Variants in ZNF135 observed in about 807,000 individuals in gnomAD.
ZNF135 encodes the protein zinc finger protein 135.
ZNF135 carries 11 observed loss-of-function variants against 12.3 expected under a neutral mutation model. The ratio of observed to expected loss-of-function variants is 0.89; its 90% CI spans 0.56 to 1.48. ZNF135 has a LOEUF of 1.48. Ranked by LOEUF, ZNF135 falls within the 40% of genes most tolerant of loss-of-function variation. The probability of loss-of-function intolerance (pLI) is 0.00; values close to 1 mark genes in which losing one functional copy is unlikely to be tolerated. For missense variants in ZNF135, 722 were observed against 815.7 expected, an observed-to-expected ratio of 0.89 and a Z score of 1.40; for synonymous variants, 316 against 312.0, an observed-to-expected ratio of 1.01 and a Z score of -0.14.
At position 58,065,478 on chromosome 19, in the gene ZNF135, G is replaced by A. The variant is rs2074050269; in HGVS notation, c.257-1263G>A. ...CCCAAAGTGTTGAGATTACAGGCAT[G>A]AGGCCCTGTGCCTGGCTAAGAATCC... On this transcript the variant is annotated intron_variant, in intron 4 of 4. Transcript: ENST00000313434. The surrounding 1 kb of genome is among the most constrained non-coding windows in gnomAD (Gnocchi z 4.0). Among the ~76,000 whole-genome samples the A allele has an allele frequency of 6.6e-5, 10 of 152,202 alleles. No individual in the cohort carries two copies. The South Asian group carries it at 2.1e-3, about 32-fold the overall frequency.
In ZNF135 at chr19:58,059,906, C is replaced by T; in HGVS notation, c.-34-63C>T. 1.3e-6 allele frequency: 2 copies of T among 1,588,804 alleles called. No homozygotes were observed. The highest frequency in any genetic ancestry group is 1.1e-5 in the South Asian group (1 of 89,672). The stretch of plus-strand genomic sequence containing the variant: ...GCTCCCCAGGCTCTGGCGCAGTTCC[C>T]CGGCTTGGGGACCTGAGCACCGCCT... On this transcript the variant is annotated intron_variant, in intron 1 of 4. Transcript: ENST00000313434. This position sits in a 1 kb window ranked among gnomAD's most constrained non-coding sequence, Gnocchi z 6.5.
Position 58,068,286 on chromosome 19 carries a change from C to T in ZNF135, c.1802C>T (p.Thr601Ile), listed in dbSNP as rs774350954. 6.2e-7 allele frequency: 1 copy of T among 1,614,162 alleles called. No individual in the cohort carries two copies. The highest frequency in any genetic ancestry group is 8.5e-7 in the Non-Finnish European group (1 of 1,180,028). ...CTCAGCCAGCACGAAAGGACGCACA[C>T]TGGGGAAAAGCCCTATGAGTGTCAC... ...SSLSQHERTH[T>I]GEKPYECHDC... is the part of the protein sequence containing the mutation. Residue 601 changes from threonine to isoleucine, a missense_variant, in exon 5 of 5, where the codon ACT (threonine) becomes ATT (isoleucine). By Grantham distance (89) the Thr-to-Ile change is moderately conservative. Transcript: ENST00000313434.
Position 58,063,638 on chromosome 19 carries a change from T to G in ZNF135, c.256+97T>G. 2 of 1,546,116 alleles carry G rather than the reference T, an allele frequency of 1.3e-6. No homozygotes were observed. The highest frequency in any genetic ancestry group is 1.7e-6 in the Non-Finnish European group (2 of 1,144,376). On this transcript the variant is annotated intron_variant, in intron 4 of 4. Coordinates refer to ENST00000313434, the MANE Select transcript of ZNF135 (RefSeq NM_001289401.2). This position sits in a 1 kb window ranked among gnomAD's most constrained non-coding sequence, Gnocchi z 4.4. The stretch of plus-strand genomic sequence containing the variant: ...GCTCTCTAATTCTTCAGAGCAAATT[T>G]ACTACTCAGTCTTAGTGAAGATTTA...
intron 3 of ZNF135, 72 bp downstream of exon 3, chr19:58,061,778 T>G (rs1259761353): frequency 1.3e-6 from 2 of 1,518,084 alleles, no homozygotes; most frequent in Non-Finnish European, 1.8e-6. Flanking sequence ...GGTTAAATAT[T>G]TATAGGACTG....
intron 2 of ZNF135, among the ~76,000 whole-genome samples, chr19:58,061,215 T>C (rs2073974598): frequency 6.6e-6 from 1 of 152,070 alleles, no homozygotes. Context: ...TGAAGTGCAG[T>C]GATGCAATCA....
chr19:58,062,417 G>A (rs1158447419), intron 3 of ZNF135, among the ~76,000 whole-genome samples: 1 of 151,928 alleles, frequency 6.6e-6, no homozygotes, highest in Non-Finnish European at 1.5e-5. Flanking sequence ...GAGTCTCGCT[G>A]TGTCACCCGG....
In ZNF135 at chr19:58,063,972, C is replaced by T. The variant is rs927859375; in HGVS notation, c.256+431C>T. Among the ~76,000 whole-genome samples, 19 of 152,182 alleles carry T rather than the reference C, an allele frequency of 1.2e-4. 1 individual carries two copies. The highest frequency in any genetic ancestry group is 4.6e-4 in the African/African-American group (19 of 41,438). The stretch of plus-strand genomic sequence containing the variant: ...GTAGTATTTCAGGCAGAGGAAACAG[C>T]AGGTGCAAAGGCCTGAAGTCATGCA... On this transcript the variant is annotated intron_variant, in intron 4 of 4. Transcript: ENST00000313434. The surrounding 1 kb of genome is among the most constrained non-coding windows in gnomAD (Gnocchi z 4.4).
rs557051934 is a variant in ZNF135, at chr19:58,061,614, T to A, written c.68T>A (p.Phe23Tyr). Residue 23 changes from phenylalanine (F) to tyrosine (Y), a missense_variant, in exon 3 of 5, where the codon TTC (phenylalanine) becomes TAC (tyrosine). Coordinates refer to ENST00000313434, the MANE Select transcript of ZNF135 (RefSeq NM_001289401.2). ...ACGTTTGAGGACGTGGTAGTGGGCT[T>A]CAGCCAGGAGGAGTGGGGGCAGCTG... Reference protein sequence around the residue: ...QVTFEDVVVGFSQEEWGQLKP... With the variant: ...QVTFEDVVVGYSQEEWGQLKP... The A allele has an allele frequency of 7.3e-5, 118 of 1,613,600 alleles. 1 individual carries two copies. The highest frequency in any genetic ancestry group is 6.7e-4 in the South Asian group (61 of 90,966).
Position 58,066,972 on chromosome 19 carries a change from A to T in ZNF135, c.488A>T (p.Asn163Ile). ...CCTGTTCTGGAGCAGTGGCAGAGGA[A>T]TGGGTTTGGGGAAAACATAAGTCTG... ...KTPVLEQWQR[N>I]GFGENISLNP... The change falls in exon 5 of 5, where the codon AAT (asparagine) becomes ATT (isoleucine). Residue 163 changes from asparagine to isoleucine, a missense_variant. Physicochemically the swap from Asn to Ile is moderately radical, Grantham distance 149 (BLOSUM62 -3). Transcript: ENST00000313434. The T allele has an allele frequency of 6.2e-7, 1 of 1,614,184 alleles. No individual in the cohort carries two copies.
Position 58,061,708 on chromosome 19 carries a change from T to G in ZNF135, c.160+2T>G. The G allele has an allele frequency of 6.2e-7, 1 of 1,611,666 alleles. No homozygotes were observed. The highest frequency in any genetic ancestry group is 1.1e-5 in the South Asian group (1 of 90,640). On this transcript the variant is annotated splice_donor_variant, in intron 3 of 4. Transcript: ENST00000313434. LOFTEE classifies it high-confidence loss of function. ...CCTTCAGGCTTCTGGTCTCTGTGGG[T>G]AAGGCCACACCCATGTCCTATCTGT...
At chr19:58,066,403 G>A (rs1395789728) in intron 4 of ZNF135, among the ~76,000 whole-genome samples, 1 of 150,672 alleles carries the variant, frequency 6.6e-6, no homozygotes, top group Non-Finnish European at 1.5e-5. Flanking sequence ...GTGTCTGAGT[G>A]CTCTCTCCTG....
In ZNF135 at chr19:58,059,305, A is replaced by G. The variant is rs770819997; in HGVS notation, c.-40A>G. The G allele has an allele frequency of 3.1e-6, 4 of 1,278,596 alleles. No homozygotes were observed. The highest frequency in any genetic ancestry group is 4.6e-5 in the East Asian group (1 of 21,828). 79.2% of individuals were successfully genotyped at this position (1,278,596 alleles called of 1,614,324 possible). On this transcript the variant is annotated 5_prime_UTR_variant, in exon 1 of 5. Transcript: ENST00000313434. The surrounding 1 kb of genome is among the most constrained non-coding windows in gnomAD (Gnocchi z 6.5). Reference sequence around the variant, plus strand: ...GTGCCGCGGCCTTTGTCTCGCAGTCAGGAGGGTGAGCTAGGCCGGCGAGGA... The same window carrying G: ...GTGCCGCGGCCTTTGTCTCGCAGTCGGGAGGGTGAGCTAGGCCGGCGAGGA...
intron 4 of ZNF135, among the ~76,000 whole-genome samples, chr19:58,064,967 T>A (rs2074041988): frequency 6.6e-6 from 1 of 152,092 alleles, no homozygotes; most frequent in Admixed American, 6.6e-5. Context: ...TTTTGGGGAG[T>A]CAAAGGCTAT....
rs558418096 is a variant in ZNF135 at position 58,060,986 on chromosome 19, G to T, written c.34-594G>T. Among the ~76,000 whole-genome samples the T allele has an allele frequency of 6.6e-6, 1 of 151,970 alleles. No homozygotes were observed. Among genetic ancestry groups the T allele is most frequent in the Non-Finnish European group, 1.5e-5 (1 of 67,978 alleles). On this transcript the variant is annotated intron_variant, in intron 2 of 4. Coordinates refer to ENST00000313434, the MANE Select transcript of ZNF135 (RefSeq NM_001289401.2). The surrounding 1 kb of genome is among the most constrained non-coding windows in gnomAD (Gnocchi z 4.9). ...CTAAAAATACAAAAAAAAATTAGCC[G>T]GGGGGGTGGCGGGCGCCTGTAGTCC...
intron 4 of ZNF135, among the ~76,000 whole-genome samples, chr19:58,064,277 A>C (rs766867287): frequency 2.6e-5 from 4 of 152,126 alleles, no homozygotes; most frequent in Non-Finnish European, 4.4e-5. Flanking sequence ...GCCCTTACCC[A>C]ATATATTAGC....
rs767160714 is a variant in ZNF135, at chr19:58,068,058, A to G, written c.1574A>G (p.Asn525Ser). The G allele has an allele frequency of 6.2e-7, 1 of 1,614,070 alleles. No individual in the cohort carries two copies. Residue 525 changes from asparagine to serine, a missense_variant, in exon 5 of 5, where the codon AAC becomes AGC. Asn to Ser is a conservative substitution (Grantham distance 46). Transcript: ENST00000313434. Reference protein sequence around the residue: ...IHTGEKPYECNQCGRAFSQLA... With the variant: ...IHTGEKPYECSQCGRAFSQLA... ...ACTGGGGAGAAGCCCTACGAATGCA[A>G]CCAGTGTGGCAGAGCCTTCAGCCAG...
In ZNF135 at chr19:58,065,402, C is replaced by G. The variant is rs980995989; in HGVS notation, c.257-1339C>G. Among the ~76,000 whole-genome samples the G allele has an allele frequency of 3.9e-5, 6 of 152,086 alleles. No homozygotes were observed. The highest frequency in any genetic ancestry group is 8.8e-5 in the Non-Finnish European group (6 of 68,030). On this transcript the variant is annotated intron_variant, in intron 4 of 4. Transcript: ENST00000313434. This position sits in a 1 kb window ranked among gnomAD's most constrained non-coding sequence, Gnocchi z 4.0. The stretch of plus-strand genomic sequence containing the variant: ...GTAGAAACAAGGTCTCATCATTTTG[C>G]CCAGGCATGTCTTGAACTCTTAGGC...
In ZNF135 at chr19:58,063,456, A is replaced by G. The variant is rs113591395; in HGVS notation, c.171A>G (p.Leu57=). Residue 57 remains leucine, a synonymous_variant, in exon 4 of 5, where the codon TTA becomes TTG. Coordinates refer to ENST00000313434, the MANE Select transcript of ZNF135 (RefSeq NM_001289401.2). This position sits in a 1 kb window ranked among gnomAD's most constrained non-coding sequence, Gnocchi z 4.4. ...TCTCTCCCTGAGCAGGACATTGGTT[A>G]CCGAAGCCGAATGTCATCTCCCTGC... is the stretch of plus-strand genomic sequence containing the variant. ...FRLLVSVGHW[L]PKPNVISLLE... 1 of 1,614,072 alleles carries G rather than the reference A, an allele frequency of 6.2e-7. No individual in the cohort carries two copies. The highest frequency in any genetic ancestry group is 8.5e-7 in the Non-Finnish European group (1 of 1,179,982).
In ZNF135 at chr19:58,067,988, G is replaced by T. The variant is rs1395286497; in HGVS notation, c.1504G>T (p.Ala502Ser). The T allele has an allele frequency of 6.2e-7, 1 of 1,613,760 alleles. No individual in the cohort carries two copies. Among genetic ancestry groups the T allele is most frequent in the African/African-American group, 1.3e-5 (1 of 74,814 alleles). ...KPYECNDCGK[A>S]FSHSSSLTKH... ...CTATGAATGCAATGACTGCGGCAAGGCATTCAGTCACAGCTCGTCCCTCAC... is the reference window on the plus strand; with the variant it reads ...CTATGAATGCAATGACTGCGGCAAGTCATTCAGTCACAGCTCGTCCCTCAC... The change falls in exon 5 of 5, where the codon GCA becomes TCA. Residue 502 changes from alanine (A) to serine (S), a missense_variant. Ala to Ser is a moderately conservative substitution (Grantham distance 99). Coordinates refer to ENST00000313434, the MANE Select transcript of ZNF135 (RefSeq NM_001289401.2).
Sources: allele counts gnomAD v4.1 joint callset (sites outside exome capture counted in the v4.1 genomes callset), GRCh38; gene constraint gnomAD v4.1.1; non-coding constraint Gnocchi (gnomAD v3.1); transcripts MANE v1.5; gene names NCBI Gene and HGNC (gene_info 2026-07-23, HGNC 2026-07-21).